ADGRV1: variants seen among roughly 807,000 people sequenced by gnomAD.
ADGRV1 encodes the protein G-protein coupled receptor 98.
ADGRV1 carries 359 observed loss-of-function variants against 596.2 expected under a neutral mutation model. The observed-to-expected ratio is 0.60, with a 90% CI of 0.55 to 0.66. The LOEUF is 0.66. ADGRV1 is among the 30% of genes least tolerant of loss of function. The pLI is 0.00. For missense variants in ADGRV1, 7,274 were observed against 7,575.6 expected (o/e 0.96, Z 1.48); for synonymous variants, 2,681 against 2,679.2 (o/e 1.00, Z -0.02).
chr5:90,773,718 A>C (rs958142942), intron 59 of ADGRV1, among the ~76,000 whole-genome samples: 1 of 152,210 alleles, frequency 6.6e-6, no homozygotes, highest in Non-Finnish European at 1.5e-5. Flanking sequence ...TGCCATTACT[A>C]ATTTAACATC....
In ADGRV1 at chr5:91,163,820, G is replaced by T; in HGVS notation, c.18841G>T (p.Gly6281Cys). Reference protein sequence around the residue: ...LSVSDNESGQGSQEGGTLTDS... With the variant: ...LSVSDNESGQCSQEGGTLTDS... ...TGTCAGTGATAATGAATCTGGTCAA[G>T]GCAGCCAGGAGGGGGGCACCTTGAC... The change falls in exon 90 of 90, where the codon GGC (glycine) becomes TGC (cysteine). Residue 6281 changes from glycine (G) to cysteine (C), a missense_variant. Transcript: ENST00000405460. 6.2e-7 allele frequency: 1 copy of T among 1,602,998 alleles called. No individual in the cohort carries two copies. The highest frequency in any genetic ancestry group is 8.5e-7 in the Non-Finnish European group (1 of 1,172,606).
Position 90,635,228 on chromosome 5 carries a change from A to G in ADGRV1, c.1954A>G (p.Ile652Val), listed in dbSNP as rs749308308. Residue 652 changes from isoleucine to valine, a missense_variant, in exon 10 of 90, where the codon ATT (isoleucine) becomes GTT (valine). Transcript: ENST00000405460. ...TACTCCAGCCATTGCAAATGGAGAA[A>G]TTGGCTTTCTCAGCAATCTTCCAAT... Reference protein sequence around the residue: ...LVTPAIANGEIGFLSNLPIIL... With the variant: ...LVTPAIANGEVGFLSNLPIIL... The G allele has an allele frequency of 1.2e-6, 2 of 1,613,226 alleles. No individual in the cohort carries two copies. Among genetic ancestry groups the G allele is most frequent in the Non-Finnish European group, 1.7e-6 (2 of 1,179,682 alleles).
chr5:90,715,760 C>T (rs181397487), intron 42 of ADGRV1, among the ~76,000 whole-genome samples: 3 of 151,930 alleles, frequency 2.0e-5, no homozygotes, highest in Non-Finnish European at 4.4e-5. Flanking sequence ...CTGCCACTTC[C>T]CAGCTTGTAA....
chr5:91,147,988 C>G (rs1467011475), intron 87 of ADGRV1, among the ~76,000 whole-genome samples: 1 of 152,056 alleles, frequency 6.6e-6, no homozygotes, highest in Admixed American at 6.6e-5. Context: ...TAAAGGTGAC[C>G]CTTGCTATGC....
At chr5:90,926,202 G>T (rs1158220960) in intron 83 of ADGRV1, among the ~76,000 whole-genome samples, 9 of 151,950 alleles carry the variant, frequency 5.9e-5, no homozygotes, top group African/African-American at 2.2e-4. Flanking sequence ...GTTTCAGAAG[G>T]AATGGTACCA....
chr5:91,006,549 A>G (rs191875254), intron 85 of ADGRV1, among the ~76,000 whole-genome samples: 3 of 152,260 alleles, frequency 2.0e-5, no homozygotes, highest in Non-Finnish European at 2.9e-5. Context: ...AAGATGTTCT[A>G]TGGAGAAACC....
chr5:90,595,858 C>A (rs1760419863), intron 1 of ADGRV1, among the ~76,000 whole-genome samples: 1 of 150,908 alleles, frequency 6.6e-6, no homozygotes, highest in African/African-American at 2.4e-5. Flanking sequence ...CACCTCCCTC[C>A]CGGACGGGGC....
At chr5:91,068,692 T>C (rs1788102907) in intron 85 of ADGRV1, among the ~76,000 whole-genome samples, 1 of 151,964 alleles carries the variant, frequency 6.6e-6, no homozygotes, top group Admixed American at 6.6e-5. Flanking sequence ...TCAATATTGT[T>C]CAAATGGCCA....
intron 86 of ADGRV1, among the ~76,000 whole-genome samples, chr5:91,095,507 C>G (rs1053955031): frequency 6.6e-6 from 1 of 152,080 alleles, no homozygotes; most frequent in Non-Finnish European, 1.5e-5. Flanking sequence ...TATTGCCTTC[C>G]TGTATGACCC....
rs370732901 is a variant in ADGRV1 at position 90,641,879 on chromosome 5, A to G, written c.2241-757A>G. Among the ~76,000 whole-genome samples, 19 of 152,158 alleles carry G rather than the reference A, an allele frequency of 1.2e-4. 1 individual carries two copies. In the East Asian group the frequency reaches 1.5e-3, roughly 12 times the overall value. On this transcript the variant is annotated intron_variant, in intron 11 of 89. Coordinates refer to ENST00000405460, the MANE Select transcript of ADGRV1 (RefSeq NM_032119.4). ...CCAAGTCCCTTTGATCATTCTAATTATGCTTTGAACGTTAAAACCAGAAAT... is the reference window on the plus strand; with the variant it reads ...CCAAGTCCCTTTGATCATTCTAATTGTGCTTTGAACGTTAAAACCAGAAAT...
intron 50 of ADGRV1, among the ~76,000 whole-genome samples, chr5:90,741,661 A>G (rs1048746661): frequency 6.6e-6 from 1 of 152,180 alleles, no homozygotes; most frequent in African/African-American, 2.4e-5. Flanking sequence ...CATACTTTCT[A>G]AAAGAATTTG....
chr5:91,030,197 G>A (rs1282356315), intron 85 of ADGRV1, among the ~76,000 whole-genome samples: 1 of 151,962 alleles, frequency 6.6e-6, no homozygotes, highest in Non-Finnish European at 1.5e-5. Flanking sequence ...AGATTATATT[G>A]ATAGATATTC....
At chr5:90,719,938 A>G (rs1750695285) in intron 43 of ADGRV1, 110 bp from the exon 44 acceptor site, 3 of 808,538 alleles carry the variant, frequency 3.7e-6, no homozygotes, top group South Asian at 1.7e-5. Flanking sequence ...GTGAGATGAT[A>G]TTTTTCAAAA....
Position 90,625,610 on chromosome 5 carries a change from G to T in ADGRV1, c.672+367G>T, listed in dbSNP as rs564211620. ...GGTATTCTTTTGTTTTTATTTTTTT[G>T]TTGTTGTTTAGAAGGAGTCTCGCTC... On this transcript the variant is annotated intron_variant, in intron 6 of 89. Transcript: ENST00000405460. 3.1e-3 allele frequency: 492 copies of T among 158,174 alleles called. 5 individuals are homozygous for T. Among genetic ancestry groups the T allele is most frequent in the African/African-American group, 0.011 (463 of 41,668 alleles). The allele number at this position is 158,174 out of a possible 1,614,324, so 9.8% of individuals were successfully genotyped here.
At chr5:90,974,360 A>C (rs1779354597) in intron 84 of ADGRV1, among the ~76,000 whole-genome samples, 1 of 152,206 alleles carries the variant, frequency 6.6e-6, no homozygotes, top group Admixed American at 6.5e-5. Context: ...TTTAAAGTTC[A>C]TATGGAACCA....
chr5:90,921,515 A>C (rs1386505719), intron 83 of ADGRV1, among the ~76,000 whole-genome samples: 2 of 152,018 alleles, frequency 1.3e-5, no homozygotes, highest in East Asian at 3.9e-4. Flanking sequence ...AGTAACATAA[A>C]CTTCATCCTT....
At chr5:90,694,941 G>A (rs1746997786) in intron 33 of ADGRV1, among the ~76,000 whole-genome samples, 1 of 152,174 alleles carries the variant, frequency 6.6e-6, no homozygotes, top group Admixed American at 6.6e-5. Context: ...CCGGGAATAT[G>A]TGAATTTTAT....
chr5:90,739,474 C>G lies in ADGRV1; in HGVS notation c.10550-5572C>G, dbSNP rs146664862. ...TCACTATTTAGTCTAGCTTGGGATT[C>G]TGGTTGGGTTAGTTGGTAGTGACCC... On this transcript the variant is annotated intron_variant, in intron 50 of 89. Coordinates refer to ENST00000405460, the MANE Select transcript of ADGRV1 (RefSeq NM_032119.4). Among the ~76,000 whole-genome samples the G allele has an allele frequency of 1.1e-4, 17 of 152,210 alleles. No individual in the cohort carries two copies. In the East Asian group the frequency reaches 3.3e-3, roughly 30 times the overall value.
chr5:90,791,249 A>T lies in ADGRV1; in HGVS notation c.14420A>T (p.His4807Leu), dbSNP rs1159258277. ...VAVGLRISSD[H>L]KEQPIVTENA... is the part of the protein sequence containing the mutation. ...GTTGGGCTTCGAATATCATCGGATCATAAAGAACAGCCGATTGTTACCGAA... is the reference window on the plus strand; with the variant it reads ...GTTGGGCTTCGAATATCATCGGATCTTAAAGAACAGCCGATTGTTACCGAA... The change falls in exon 70 of 90, where the codon CAT becomes CTT. Residue 4807 changes from histidine (H) to leucine (L), a missense_variant. Physicochemically the swap from His to Leu is moderately conservative, Grantham distance 99 (BLOSUM62 -3). Around this residue, in one of 5 missense-constraint regions of ADGRV1, gnomAD observed 1,874 missense variants for 1,970.2 expected, o/e 0.95. Coordinates refer to ENST00000405460, the MANE Select transcript of ADGRV1 (RefSeq NM_032119.4). The T allele has an allele frequency of 6.2e-7, 1 of 1,612,330 alleles. No homozygotes were observed. The highest frequency in any genetic ancestry group is 1.3e-5 in the African/African-American group (1 of 74,910).
Sources: allele counts gnomAD v4.1 joint callset (sites outside exome capture counted in the v4.1 genomes callset), GRCh38; gene constraint gnomAD v4.1.1; regional missense constraint gnomAD v4.1.1; transcripts MANE v1.5; gene names NCBI Gene and HGNC (gene_info 2026-07-23, HGNC 2026-07-21).